Variants in GRM3 observed in about 807,000 individuals in gnomAD.
The protein encoded by GRM3 is glutamate metabotropic receptor 3.
Under a neutral mutation model 70.5 loss-of-function variants are expected in GRM3, and 26 were observed. The ratio of observed to expected loss-of-function variants is 0.37; its 90% confidence interval spans 0.27 to 0.51. The LOEUF (loss-of-function observed/expected upper bound fraction) is 0.51. Among genes scored for constraint, GRM3 ranks in the 20% least tolerant of loss-of-function variants. The pLI is 0.93. For missense variants in GRM3, 859 were observed against 1,123.8 expected, an observed-to-expected ratio of 0.76 and a Z score of 3.37; for synonymous variants, 443 against 434.9, an observed-to-expected ratio of 1.02 and a Z score of -0.23.
chr7:86,801,067 T>C (rs927146270), intron 3 of GRM3, among the ~76,000 whole-genome samples: 11 of 140,128 alleles, frequency 7.8e-5, no homozygotes, highest in East Asian at 4.0e-4. Flanking sequence ...ACTTCTTCTT[T>C]TTTTTTTTTT....
intron 1 of GRM3, among the ~76,000 whole-genome samples, chr7:86,699,752 T>C (rs1794907188): frequency 6.6e-6 from 1 of 151,988 alleles, no homozygotes; most frequent in Admixed American, 6.6e-5. Context: ...TTGAAGTAAC[T>C]TGGTCAAGAA....
intron 1 of GRM3, among the ~76,000 whole-genome samples, chr7:86,650,001 T>C (rs1793567161): frequency 6.6e-6 from 1 of 152,214 alleles, no homozygotes. Flanking sequence ...GTCTGTTCCT[T>C]AACAGATGCA....
At chr7:86,846,050 A>T (rs1225644243) in intron 4 of GRM3, among the ~76,000 whole-genome samples, 4 of 149,238 alleles carry the variant, frequency 2.7e-5, no homozygotes. Context: ...TTCTTTTAAC[A>T]TAAGGGTTGG....
chr7:86,750,885 G>T (rs562127427), intron 1 of GRM3, among the ~76,000 whole-genome samples: 34 of 152,124 alleles, frequency 2.2e-4, no homozygotes, highest in African/African-American at 7.5e-4. Flanking sequence ...ATACCTAAAA[G>T]GTCAGGATAG....
intron 3 of GRM3, among the ~76,000 whole-genome samples, chr7:86,788,621 G>T (rs147042891): frequency 3.9e-5 from 6 of 152,250 alleles, no homozygotes; most frequent in African/African-American, 1.4e-4. Flanking sequence ...TCAAATCCCA[G>T]GTTAGTTCCT....
chr7:86,695,564 C>T (rs1794796868), intron 1 of GRM3, among the ~76,000 whole-genome samples: 1 of 152,116 alleles, frequency 6.6e-6, no homozygotes, highest in African/African-American at 2.4e-5. Context: ...GCTTTTGCGT[C>T]AGATACCACA....
In GRM3 at chr7:86,765,605, T is replaced by G; in HGVS notation, c.460T>G (p.Ser154Ala). ...GVIGGSYSSV[S>A]IQVANLLRLF... is the part of the protein sequence containing the mutation. ...CATTGGTGGCTCTTATAGCAGTGTT[T>G]CCATACAGGTAAGATTGGCTAATGC... Residue 154 changes from serine (S) to alanine (A), a missense_variant, in exon 2 of 6, where the codon TCC (serine) becomes GCC (alanine). Coordinates refer to ENST00000361669, the MANE Select transcript of GRM3 (RefSeq NM_000840.3). The G allele has an allele frequency of 6.2e-7, 1 of 1,612,056 alleles. No individual in the cohort carries two copies. Among genetic ancestry groups the G allele is most frequent in the East Asian group, 2.2e-5 (1 of 44,788 alleles).
intron 2 of GRM3, among the ~76,000 whole-genome samples, chr7:86,770,976 G>A (rs193140405): frequency 2.1e-3 from 321 of 152,204 alleles, no homozygotes; most frequent in African/African-American, 7.3e-3. Flanking sequence ...AGCACCCCAA[G>A]CTTTGTCATC....
chr7:86,660,161 G>T (rs554146964), intron 1 of GRM3, among the ~76,000 whole-genome samples: 1 of 152,050 alleles, frequency 6.6e-6, no homozygotes. Context: ...ATACAAATCA[G>T]AAGAGACAAC....
intron 3 of GRM3, among the ~76,000 whole-genome samples, chr7:86,835,435 G>T (rs1212889932): frequency 1.3e-5 from 2 of 152,052 alleles, no homozygotes; most frequent in East Asian, 3.9e-4. Context: ...TCTTGGAGTA[G>T]GAAAGGATTT....
chr7:86,656,952 T>C (rs1793762500), intron 1 of GRM3, among the ~76,000 whole-genome samples: 1 of 152,122 alleles, frequency 6.6e-6, no homozygotes, highest in African/African-American at 2.4e-5. Flanking sequence ...TCTATAATAA[T>C]GCATATAATA....
At chr7:86,697,847 A>C (rs1453684740) in intron 1 of GRM3, among the ~76,000 whole-genome samples, 2 of 152,102 alleles carry the variant, frequency 1.3e-5, no homozygotes, top group African/African-American at 4.8e-5. Context: ...TCTCTTGTGT[A>C]GGAAATGTTT....
intron 1 of GRM3, among the ~76,000 whole-genome samples, chr7:86,698,307 G>T (rs1035207409): frequency 2.0e-4 from 30 of 151,788 alleles, no homozygotes; most frequent in African/African-American, 7.0e-4. Flanking sequence ...ATCCCTCAAA[G>T]AACCCTTTCA....
intron 3 of GRM3, among the ~76,000 whole-genome samples, chr7:86,789,397 C>T (rs1797350685): frequency 6.6e-6 from 1 of 152,132 alleles, no homozygotes; most frequent in Non-Finnish European, 1.5e-5. Context: ...CAGATTTTAG[C>T]TTACAGTAAC....
At chr7:86,847,358 G>T (rs951228768) in intron 4 of GRM3, among the ~76,000 whole-genome samples, 1 of 152,128 alleles carries the variant, frequency 6.6e-6, no homozygotes, top group African/African-American at 2.4e-5. Context: ...CTTGCACACT[G>T]GGTGGCATTT....
At chr7:86,715,276 A>T (rs181784406) in intron 1 of GRM3, among the ~76,000 whole-genome samples, 3 of 152,128 alleles carry the variant, frequency 2.0e-5, no homozygotes, top group Non-Finnish European at 2.9e-5. Context: ...CACATATCAA[A>T]ATATTCTATT....
intron 1 of GRM3, among the ~76,000 whole-genome samples, chr7:86,711,534 C>A (rs1795200049): frequency 6.6e-6 from 1 of 152,146 alleles, no homozygotes; most frequent in African/African-American, 2.4e-5. Context: ...CCCATCATTG[C>A]ACAACAATTA....
intron 1 of GRM3, among the ~76,000 whole-genome samples, chr7:86,703,817 G>T (rs375491801): frequency 1.2e-4 from 18 of 151,888 alleles, no homozygotes; most frequent in Admixed American, 7.2e-4. Flanking sequence ...AAATGAAACA[G>T]TAAAATGGGC....
intron 1 of GRM3, among the ~76,000 whole-genome samples, chr7:86,764,788 G>C (rs1379230978): frequency 6.6e-6 from 1 of 152,040 alleles, no homozygotes; most frequent in Non-Finnish European, 1.5e-5. Flanking sequence ...TTGACCCTCT[G>C]TGCCCATTTC....
Sources: allele counts gnomAD v4.1 joint callset (sites outside exome capture counted in the v4.1 genomes callset), GRCh38; gene constraint gnomAD v4.1.1; transcripts MANE v1.5; gene names NCBI Gene and HGNC (gene_info 2026-07-23, HGNC 2026-07-21).